PMS1: variants seen among roughly 807,000 people sequenced by gnomAD.
PMS1 encodes the protein PMS1 homolog 1, mismatch repair system component.
Under a neutral mutation model 93.1 loss-of-function variants are expected in PMS1, and 79 were observed. The observed-to-expected ratio is 0.85, with a 90% CI of 0.71 to 1.02. The LOEUF is 1.02. PMS1 is among the 50% of genes least tolerant of loss of function. PMS1 has a pLI of 0.00. For synonymous variants in PMS1, 335 were observed against 363.4 expected, an observed-to-expected ratio of 0.92 and a Z score of 0.89; for missense variants, 1,064 against 1,085.3, an observed-to-expected ratio of 0.98 and a Z score of 0.28.
At chr2:189,821,272 C>T (rs879768506) in intron 5 of PMS1, among the ~76,000 whole-genome samples, 20 of 150,808 alleles carry the variant, frequency 1.3e-4, no homozygotes, top group Non-Finnish European at 2.1e-4. Flanking sequence ...CTGGCTAACA[C>T]GGTGAAACCC....
intron 1 of PMS1, among the ~76,000 whole-genome samples, chr2:189,788,664 A>G (rs1429322895): frequency 6.6e-6 from 1 of 152,216 alleles, no homozygotes; most frequent in African/African-American, 2.4e-5. Context: ...TAGTTTTAAT[A>G]ATATATTTTA....
At chr2:189,795,645 A>C in intron 2 of PMS1, 124 bp from the exon 3 acceptor site, 1 of 778,890 alleles carries the variant, frequency 1.3e-6, no homozygotes, top group Non-Finnish European at 2.2e-6. Context: ...AAACTCTTAT[A>C]TCCATAATGC....
intron 5 of PMS1, among the ~76,000 whole-genome samples, chr2:189,838,438 A>G (rs1456424816): frequency 6.6e-6 from 1 of 152,186 alleles, no homozygotes; most frequent in Non-Finnish European, 1.5e-5. Context: ...CCAGAGACTC[A>G]ACACTCAACA....
intron 9 of PMS1, among the ~76,000 whole-genome samples, chr2:189,856,233 T>C (rs1183053496): frequency 6.6e-6 from 1 of 151,920 alleles, no homozygotes; most frequent in Admixed American, 6.6e-5. Context: ...TTTTGAAGTA[T>C]AAAGCCATTA....
chr2:189,839,940 C>T (rs527499467), intron 5 of PMS1, among the ~76,000 whole-genome samples: 10 of 152,258 alleles, frequency 6.6e-5, no homozygotes, highest in Non-Finnish European at 1.2e-4. Flanking sequence ...GGTGACTCTA[C>T]ATCCCATTTC....
intron 5 of PMS1, among the ~76,000 whole-genome samples, chr2:189,823,387 A>C (rs1265200778): frequency 2.6e-5 from 4 of 152,018 alleles, no homozygotes; most frequent in African/African-American, 9.7e-5. Flanking sequence ...CTTGTCATTT[A>C]CATTAGGAAT....
chr2:189,855,090 A>T lies in PMS1; in HGVS notation c.1818A>T (p.Glu606Asp). The T allele has an allele frequency of 6.2e-7, 1 of 1,613,488 alleles. No homozygotes were observed. The highest frequency in any genetic ancestry group is 8.5e-7 in the Non-Finnish European group (1 of 1,179,548). ...TAGAGGATGCAACACTACAAATTGA[A>T]GAACTGTGGAAGACATTGAGTGAAG... ...TSLEDATLQIEELWKTLSEEE... is the reference protein window; with the variant it reads ...TSLEDATLQIDELWKTLSEEE... The change falls in exon 9 of 13, where the codon GAA (glutamate) becomes GAT (aspartate). Residue 606 changes from glutamate (E) to aspartate (D), a missense_variant. By Grantham distance (45) the Glu-to-Asp change is conservative. Transcript: ENST00000441310.
intron 5 of PMS1, among the ~76,000 whole-genome samples, chr2:189,824,957 T>C (rs982630423): frequency 6.6e-6 from 1 of 152,134 alleles, no homozygotes; most frequent in Non-Finnish European, 1.5e-5. Flanking sequence ...TTCATCATTC[T>C]ATATGTACTT....
chr2:189,875,136 G>A (rs2057453053), intron 12 of PMS1, among the ~76,000 whole-genome samples: 1 of 151,512 alleles, frequency 6.6e-6, no homozygotes, highest in Middle Eastern at 3.2e-3. Context: ...AGGGGTGGAT[G>A]TAAAAGTCAA....
At chr2:189,849,776 T>C (rs139354134) in intron 6 of PMS1, among the ~76,000 whole-genome samples, 4 of 152,250 alleles carry the variant, frequency 2.6e-5, no homozygotes, top group Non-Finnish European at 4.4e-5. Context: ...TTAGCCAGTT[T>C]GGCTCAGCCT....
At chr2:189,860,259 T>C (rs577020921) in intron 9 of PMS1, among the ~76,000 whole-genome samples, 1 of 152,202 alleles carries the variant, frequency 6.6e-6, no homozygotes, top group Non-Finnish European at 1.5e-5. Context: ...AGCCACTCTT[T>C]TGAGTTTTGT....
At chr2:189,814,628 G>A (rs1455044647) in intron 4 of PMS1, among the ~76,000 whole-genome samples, 1 of 152,018 alleles carries the variant, frequency 6.6e-6, no homozygotes, top group Non-Finnish European at 1.5e-5. Context: ...GTTGTTTAAG[G>A]TGCTAGGGAT....
intron 4 of PMS1, among the ~76,000 whole-genome samples, chr2:189,808,730 A>G (rs969607465): frequency 1.3e-5 from 2 of 152,226 alleles, no homozygotes; most frequent in African/African-American, 4.8e-5. Flanking sequence ...TCAGCCATTT[A>G]AAATGATTTA....
At chr2:189,844,985 G>C (rs2054136277) in intron 6 of PMS1, among the ~76,000 whole-genome samples, 1 of 151,708 alleles carries the variant, frequency 6.6e-6, no homozygotes, top group Non-Finnish European at 1.5e-5. Context: ...AGCCTCCCTA[G>C]TAGCTAGAAT....
chr2:189,824,541 T>C (rs2052255320), intron 5 of PMS1, among the ~76,000 whole-genome samples: 1 of 152,110 alleles, frequency 6.6e-6, no homozygotes, highest in Non-Finnish European at 1.5e-5. Flanking sequence ...TATAGTGTAC[T>C]ACATTTTATT....
chr2:189,873,149 C>T (rs968574966), intron 11 of PMS1, among the ~76,000 whole-genome samples: 1 of 152,144 alleles, frequency 6.6e-6, no homozygotes, highest in African/African-American at 2.4e-5. Context: ...ATTTGAAGAG[C>T]AGCAGTTGTT....
At chr2:189,845,013 A>C (rs1401221618) in intron 6 of PMS1, among the ~76,000 whole-genome samples, 1 of 151,932 alleles carries the variant, frequency 6.6e-6, no homozygotes, top group Non-Finnish European at 1.5e-5. Flanking sequence ...GTATGCCACC[A>C]CACCCAGCTA....
rs147566508 is a variant in PMS1, at chr2:189,877,393, G to T, written c.2756G>T (p.Arg919Leu). 1.2e-6 allele frequency: 2 copies of T among 1,612,774 alleles called. No individual in the cohort carries two copies. The highest frequency in any genetic ancestry group is 1.1e-5 in the South Asian group (1 of 91,040). The change falls in exon 13 of 13, where the codon CGC becomes CTC. Residue 919 changes from arginine (R) to leucine (L), a missense_variant. By Grantham distance (102) the Arg-to-Leu change is moderately radical (BLOSUM62 -2). Transcript: ENST00000441310. ...GNEIKECVHG[R>L]PFFHHLTYLP... ...GAAATTAAAGAGTGTGTTCATGGTC[G>T]CCCATTTTTTCATCATTTAACCTAT...
intron 9 of PMS1, among the ~76,000 whole-genome samples, chr2:189,859,694 T>A (rs1215984948): frequency 6.6e-6 from 1 of 152,186 alleles, no homozygotes; most frequent in African/African-American, 2.4e-5. Context: ...TCTTGAGTTC[T>A]TAGAATCTAT....
Sources: allele counts gnomAD v4.1 joint callset (sites outside exome capture counted in the v4.1 genomes callset), GRCh38; gene constraint gnomAD v4.1.1; transcripts MANE v1.5; gene names NCBI Gene and HGNC (gene_info 2026-07-23, HGNC 2026-07-21).